PCP4: variants seen among roughly 807,000 people sequenced by gnomAD.
The protein encoded by PCP4 is Purkinje cell protein 4.
Under a neutral mutation model 10.0 loss-of-function variants are expected in PCP4, and 8 were observed. That is an observed-to-expected ratio of 0.80 (90% CI 0.47 to 1.45). The LOEUF is 1.45. PCP4 is among the 40% of genes most tolerant of loss of function. PCP4 has a pLI of 0.00. For synonymous variants in PCP4, 21 were observed against 23.0 expected (o/e 0.91, Z 0.24); for missense variants, 54 against 74.4 (o/e 0.73, Z 1.01).
chr21:39,871,252 T>G (rs1240301173), intron 1 of PCP4, among the ~76,000 whole-genome samples: 1 of 152,234 alleles, frequency 6.6e-6, no homozygotes, highest in Non-Finnish European at 1.5e-5. Context: ...TAGTTGACTC[T>G]CACGATTGCC....
At chr21:39,889,029 G>A (rs923470364) in intron 1 of PCP4, among the ~76,000 whole-genome samples, 3 of 152,210 alleles carry the variant, frequency 2.0e-5, no homozygotes, top group Non-Finnish European at 4.4e-5. Context: ...ACTGGGAGGA[G>A]CCCATTTCAC....
chr21:39,871,505 T>C (rs529745028), intron 1 of PCP4, among the ~76,000 whole-genome samples: 1 of 152,352 alleles, frequency 6.6e-6, no homozygotes, highest in South Asian at 2.1e-4. Context: ...ATTCAACTTC[T>C]TATGTAATTA....
chr21:39,880,686 G>T (rs7282852), intron 1 of PCP4, among the ~76,000 whole-genome samples: 2 of 152,076 alleles, frequency 1.3e-5, no homozygotes, highest in African/African-American at 4.8e-5. Context: ...GAGTATGTCC[G>T]GAGGGAACAG....
chr21:39,873,350 A>G (rs889813142), intron 1 of PCP4, among the ~76,000 whole-genome samples: 1 of 152,202 alleles, frequency 6.6e-6, no homozygotes, highest in Non-Finnish European at 1.5e-5. Flanking sequence ...GTTCCATATT[A>G]TTGCAAGGAA....
Position 39,926,353 on chromosome 21 carries a change from G to A in PCP4, c.62-2631G>A, listed in dbSNP as rs142058032. Among the ~76,000 whole-genome samples the A allele has an allele frequency of 4.7e-4, 71 of 152,068 alleles. 1 individual carries two copies. The highest frequency in any genetic ancestry group is 1.6e-3 in the African/African-American group (66 of 41,454). On this transcript the variant is annotated intron_variant, in intron 2 of 2. Coordinates refer to ENST00000328619, the MANE Select transcript of PCP4 (RefSeq NM_006198.3). ...TTCCTTAATATACATAATTTTCTGC[G>A]TCTTCATTTGTCATTTGTCAAAAAA...
intron 2 of PCP4, among the ~76,000 whole-genome samples, chr21:39,903,235 C>T (rs1004375586): frequency 6.6e-6 from 1 of 152,156 alleles, no homozygotes; most frequent in African/African-American, 2.4e-5. Flanking sequence ...CTTACCCAAG[C>T]TAAATTGAAT....
At chr21:39,926,528 T>C (rs1030628243) in intron 2 of PCP4, among the ~76,000 whole-genome samples, 1 of 152,184 alleles carries the variant, frequency 6.6e-6, no homozygotes, top group African/African-American at 2.4e-5. Flanking sequence ...TTGCACTCAC[T>C]GTACAGTTGA....
intron 1 of PCP4, among the ~76,000 whole-genome samples, chr21:39,881,422 T>C (rs1262264214): frequency 6.6e-6 from 1 of 152,130 alleles, no homozygotes; most frequent in East Asian, 1.9e-4. Flanking sequence ...AGGGTTTGCA[T>C]GGGGGTCTAG....
At chr21:39,919,681 CT>C (rs2087585285) in intron 2 of PCP4, among the ~76,000 whole-genome samples, 1 of 148,110 alleles carries the variant, frequency 6.8e-6, no homozygotes, top group Admixed American at 6.7e-5. Flanking sequence ...TGTGTGTGGT[CT>C]AATGTGTGTA....
At position 39,902,755 on chromosome 21, in the gene PCP4, C is replaced by T. The variant is rs184087863; in HGVS notation, c.61+4228C>T. ...AATTTTTTTTAATGTAGAAAATAAA[C>T]GTTTCAGGGCTTGGAGGTTCAGAGA... is the stretch of plus-strand genomic sequence containing the variant. On this transcript the variant is annotated intron_variant, in intron 2 of 2. Coordinates refer to ENST00000328619, the MANE Select transcript of PCP4 (RefSeq NM_006198.3). Among the ~76,000 whole-genome samples the T allele has an allele frequency of 5.3e-5, 8 of 152,092 alleles. No homozygotes were observed. In the East Asian group the frequency reaches 5.8e-4, roughly 11 times the overall value.
chr21:39,925,307 C>T (rs2087615232), intron 2 of PCP4, among the ~76,000 whole-genome samples: 1 of 152,154 alleles, frequency 6.6e-6, no homozygotes, highest in Non-Finnish European at 1.5e-5. Flanking sequence ...GCCTCACAGA[C>T]TGAAGTTAAA....
At chr21:39,908,226 T>C (rs1365630962) in intron 2 of PCP4, among the ~76,000 whole-genome samples, 1 of 152,130 alleles carries the variant, frequency 6.6e-6, no homozygotes, top group African/African-American at 2.4e-5. Context: ...ATCTCTTTTT[T>C]AAGGATGACA....
chr21:39,909,800 CTT>C (rs11420148), intron 2 of PCP4, among the ~76,000 whole-genome samples: 1 of 143,570 alleles, frequency 7.0e-6, no homozygotes, highest in Admixed American at 6.9e-5. Context: ...CTTTTCTTTT[CTT>C]TTTTTTTTTT....
intron 2 of PCP4, among the ~76,000 whole-genome samples, chr21:39,905,845 G>A (rs532124920): frequency 2.4e-4 from 37 of 152,202 alleles, no homozygotes; most frequent in African/African-American, 8.9e-4. Flanking sequence ...TCAGGAGATC[G>A]AGACCATCCT....
At chr21:39,928,865 A>C in intron 2 of PCP4, 119 bp from the exon 3 acceptor site, 1 of 918,820 alleles carries the variant, frequency 1.1e-6, no homozygotes, top group Admixed American at 2.2e-5. Flanking sequence ...CTGGGGTGTA[A>C]GTTAAGCCCC....
chr21:39,910,136 C>G (rs1197337798), intron 2 of PCP4, among the ~76,000 whole-genome samples: 1 of 152,164 alleles, frequency 6.6e-6, no homozygotes, highest in Non-Finnish European at 1.5e-5. Context: ...AATTGGAAAT[C>G]GAATCATGCT....
intron 1 of PCP4, among the ~76,000 whole-genome samples, chr21:39,877,465 T>G (rs532849095): frequency 3.8e-4 from 57 of 151,764 alleles, no homozygotes; most frequent in African/African-American, 1.3e-3. Flanking sequence ...GGTGGGAGGA[T>G]TGGTTAAGCC....
At position 39,899,601 on chromosome 21, in the gene PCP4, G is replaced by A. The variant is rs928543736; in HGVS notation, c.61+1074G>A. ...GGCAGGGTGAGTGCAGTGTTCCCTGGGTAAAGGGGTCATCATATCAATAAG... is the reference window on the plus strand; with the variant it reads ...GGCAGGGTGAGTGCAGTGTTCCCTGAGTAAAGGGGTCATCATATCAATAAG... On this transcript the variant is annotated intron_variant, in intron 2 of 2. Transcript: ENST00000328619. Among the ~76,000 whole-genome samples the A allele has an allele frequency of 6.6e-5, 10 of 152,250 alleles. No homozygotes were observed. The East Asian group carries it at 1.9e-3, about 30-fold the overall frequency.
At chr21:39,915,190 T>C (rs2087562897) in intron 2 of PCP4, among the ~76,000 whole-genome samples, 1 of 151,200 alleles carries the variant, frequency 6.6e-6, no homozygotes, top group Non-Finnish European at 1.5e-5. Flanking sequence ...TCAGAGGGAA[T>C]GTTGCCAAAG....
Sources: gnomAD v4.1 joint callset for allele counts (sites outside exome capture counted in the v4.1 genomes callset) on GRCh38, gnomAD v4.1.1 for gene constraint, MANE v1.5 for transcripts, NCBI Gene and HGNC (gene_info 2026-07-23, HGNC 2026-07-21) for gene names.